The following TRDN variants were observed in gnomAD, a reference collection of about 807,000 sequenced individuals.
TRDN encodes the protein triadin, also known as triadin in skeletal muscle.
Under a neutral mutation model 149.7 loss-of-function variants are expected in TRDN, and 161 were observed. The ratio of observed to expected loss-of-function variants is 1.08; its 90% CI spans 0.95 to 1.23. The LOEUF is 1.23. TRDN is among the 50% of genes most tolerant of loss of function. TRDN has a pLI of 0.00. For missense variants in TRDN, 896 were observed against 823.5 expected (o/e 1.09, Z -1.08); for synonymous variants, 294 against 250.5 (o/e 1.17, Z -1.64).
intron 9 of TRDN, among the ~76,000 whole-genome samples, chr6:123,475,084 A>G (rs1777396226): frequency 6.7e-6 from 1 of 148,550 alleles, no homozygotes; most frequent in Non-Finnish European, 1.5e-5. Flanking sequence ...AAATAGAGAT[A>G]CAAAAAACCC....
chr6:123,354,812 A>AGCAAT (rs1780597312), intron 20 of TRDN, among the ~76,000 whole-genome samples: 1 of 151,812 alleles, frequency 6.6e-6, no homozygotes, highest in Admixed American at 6.6e-5. Context: ...TTCAGGCACC[A>AGCAAT]GCAATAGGAC....
At chr6:123,484,912 T>C (rs75219998) in intron 9 of TRDN, among the ~76,000 whole-genome samples, 3,077 of 152,318 alleles carry the variant, frequency 0.02, 40 homozygotes, top group Non-Finnish European at 0.028. Context: ...TGAAGCATTT[T>C]ATCACAATGA....
At chr6:123,380,880 TAGAC>T (rs1781691200) in intron 16 of TRDN, among the ~76,000 whole-genome samples, 2 of 152,074 alleles carry the variant, frequency 1.3e-5, no homozygotes, top group South Asian at 2.1e-4. Context: ...GCAACCCTAT[TAGAC>T]AGAGCTCATA....
chr6:123,512,449 A>T, intron 6 of TRDN, 87 bp from the exon 7 acceptor site: 1 of 713,778 alleles, frequency 1.4e-6, no homozygotes, highest in South Asian at 1.9e-5. Flanking sequence ...TAAGTGCTAA[A>T]ACCTAATCTG....
chr6:123,544,087 T>A (rs962030121), intron 4 of TRDN, among the ~76,000 whole-genome samples: 1 of 152,044 alleles, frequency 6.6e-6, no homozygotes, highest in Non-Finnish European at 1.5e-5. Flanking sequence ...AAAAATGAAT[T>A]TTTTTTAGAA....
chr6:123,598,616 T>C (rs1784143874), intron 1 of TRDN, among the ~76,000 whole-genome samples: 1 of 152,078 alleles, frequency 6.6e-6, no homozygotes, highest in Non-Finnish European at 1.5e-5. Flanking sequence ...CCTACTCCCT[T>C]TGCAGGACTC....
chr6:123,242,785 T>G (rs1776037108), intron 38 of TRDN, among the ~76,000 whole-genome samples: 2 of 152,026 alleles, frequency 1.3e-5, no homozygotes, highest in South Asian at 2.1e-4. Flanking sequence ...GCCCCACATT[T>G]CAGCCACAGA....
chr6:123,587,515 G>T (rs6901956), intron 1 of TRDN, among the ~76,000 whole-genome samples: 1 of 152,270 alleles, frequency 6.6e-6, no homozygotes, highest in South Asian at 2.1e-4. Context: ...ACCTGAGGTC[G>T]TAAGTGGATC....
chr6:123,397,294 G>A (rs557514948), intron 12 of TRDN, among the ~76,000 whole-genome samples: 243 of 152,234 alleles, frequency 1.6e-3, no homozygotes, highest in African/African-American at 5.5e-3. Context: ...AGCAGGTAGT[G>A]GGCTCCTACC....
At chr6:123,439,093 T>C in intron 10 of TRDN, 90 bp from the exon 11 acceptor site, 1 of 973,266 alleles carries the variant, frequency 1.0e-6, no homozygotes, top group Non-Finnish European at 1.5e-6. Context: ...TTAAGTCAGT[T>C]CTGCCTCCAG....
chr6:123,615,358 T>C (rs915807317), intron 1 of TRDN, among the ~76,000 whole-genome samples: 1 of 152,136 alleles, frequency 6.6e-6, no homozygotes, highest in African/African-American at 2.4e-5. Flanking sequence ...CCAGGTTTAG[T>C]GTGGCACTAT....
intron 24 of TRDN, among the ~76,000 whole-genome samples, chr6:123,314,880 A>C (rs1346901900): frequency 6.6e-6 from 1 of 152,000 alleles, no homozygotes; most frequent in Non-Finnish European, 1.5e-5. Context: ...ATCAGAAAAA[A>C]TAACTAATGG....
intron 9 of TRDN, among the ~76,000 whole-genome samples, chr6:123,484,664 T>C (rs1200275332): frequency 6.6e-6 from 1 of 152,148 alleles, no homozygotes; most frequent in African/African-American, 2.4e-5. Flanking sequence ...ATGCCATTAA[T>C]AGTGACAAAG....
intron 38 of TRDN, among the ~76,000 whole-genome samples, chr6:123,231,933 G>T (rs1386268093): frequency 6.6e-6 from 1 of 152,008 alleles, no homozygotes; most frequent in Non-Finnish European, 1.5e-5. Flanking sequence ...GAGGGTAGAA[G>T]GATAAGGGCA....
chr6:123,581,324 T>G (rs1783109609), intron 1 of TRDN, among the ~76,000 whole-genome samples: 2 of 152,228 alleles, frequency 1.3e-5, no homozygotes, highest in South Asian at 4.1e-4. Flanking sequence ...ACCATAGCAT[T>G]TTTTGATGAA....
rs1341355939 is a variant in TRDN at position 123,266,453 on chromosome 6, G to T, written c.1784-1115C>A. On this transcript the variant is annotated intron_variant, in intron 32 of 40. Coordinates refer to ENST00000334268, the MANE Select transcript of TRDN (RefSeq NM_006073.4). The stretch of plus-strand genomic sequence containing the variant: ...GTATTATATATAATATATAGATTAT[G>T]ATATGTATTATATATAATATATATA... 2.8e-3 allele frequency among the ~76,000 whole-genome samples: 189 copies of T among 67,592 alleles called. 69 individuals are homozygous for T. Among genetic ancestry groups the T allele is most frequent in the African/African-American group, 3.6e-3 (51 of 14,020 alleles). The allele number at this position is 67,592 out of a possible 152,430, so 44.3% of individuals were successfully genotyped here.
intron 10 of TRDN, among the ~76,000 whole-genome samples, chr6:123,457,007 A>G (rs956365150): frequency 1.3e-5 from 2 of 152,220 alleles, no homozygotes; most frequent in African/African-American, 4.8e-5. Flanking sequence ...TTTTTATAAA[A>G]TGTTTTATGA....
At chr6:123,475,337 A>T (rs1777417068) in intron 9 of TRDN, among the ~76,000 whole-genome samples, 9 of 147,276 alleles carry the variant, frequency 6.1e-5, no homozygotes, top group African/African-American at 2.0e-4. Context: ...CAACACATAC[A>T]CTCTCCCAAG....
chr6:123,514,010 T>G (rs1409346875), intron 6 of TRDN, among the ~76,000 whole-genome samples: 1 of 152,160 alleles, frequency 6.6e-6, no homozygotes, highest in Non-Finnish European at 1.5e-5. Context: ...GTTAGAATCT[T>G]ACTTCGTATC....
Sources: allele counts gnomAD v4.1 joint callset (sites outside exome capture counted in the v4.1 genomes callset), GRCh38; gene constraint gnomAD v4.1.1; transcripts MANE v1.5; gene names NCBI Gene and HGNC (gene_info 2026-07-23, HGNC 2026-07-21).